GNG4: variants seen among roughly 807,000 people sequenced by gnomAD.
GNG4 encodes G protein subunit gamma 4.
In GNG4, 4 loss-of-function variants were observed where a neutral mutation model predicts 5.8. The ratio of observed to expected loss-of-function variants is 0.69; its 90% CI spans 0.34 to 1.57. GNG4 has a LOEUF of 1.57. Ranked by LOEUF, GNG4 falls within the 40% of genes most tolerant of loss-of-function variation. GNG4 has a pLI of 0.06. For missense variants in GNG4, 96 were observed against 95.1 expected (o/e 1.01, Z -0.04); for synonymous variants, 29 against 32.9 (o/e 0.88, Z 0.41).
rs1452747401 is a variant in GNG4 at position 235,649,572 on chromosome 1, CTT to C, written c.-123+88_-123+89del. On this transcript the variant is annotated intron_variant, in intron 1 of 3. Coordinates refer to ENST00000391854, the MANE Select transcript of GNG4 (RefSeq NM_001098722.2). The surrounding 1 kb of genome is among the most constrained non-coding windows in gnomAD (Gnocchi z 5.7). ...AGAGCCGTCTCCCTAGGTCCGGAGA[CTT>C]TCACCCCGAGTTTCCCTTCCGCGTC... The C allele has an allele frequency of 6.6e-6, 1 of 152,230 alleles. No individual in the cohort carries two copies. Among genetic ancestry groups the C allele is most frequent in the Non-Finnish European group, 1.5e-5 (1 of 68,100 alleles). 9.4% of individuals were successfully genotyped at this position (152,230 alleles called of 1,614,324 possible). A position where few individuals can be genotyped will look rare whatever the true frequency, so the allele number is the denominator to read the frequency against.
intron 1 of GNG4, among the ~76,000 whole-genome samples, chr1:235,618,844 C>T (rs1341684722): frequency 2.6e-5 from 4 of 151,132 alleles, no homozygotes; most frequent in East Asian, 2.0e-4. Flanking sequence ...TTAGTAGAGA[C>T]GGGGTTTCAC....
chr1:235,575,275 T>C (rs1308745510), intron 3 of GNG4, among the ~76,000 whole-genome samples: 1 of 152,194 alleles, frequency 6.6e-6, no homozygotes, highest in Non-Finnish European at 1.5e-5. Flanking sequence ...CCACTTCCCA[T>C]GGGGTCACAT....
chr1:235,590,224 G>C (rs1038539765), intron 2 of GNG4, among the ~76,000 whole-genome samples: 1 of 152,150 alleles, frequency 6.6e-6, no homozygotes, highest in Non-Finnish European at 1.5e-5. Flanking sequence ...GGAGGCCGAG[G>C]TGGGTGGATC....
intron 1 of GNG4, among the ~76,000 whole-genome samples, chr1:235,635,205 T>C (rs1044980641): frequency 1.3e-5 from 2 of 152,152 alleles, no homozygotes; most frequent in Non-Finnish European, 2.9e-5. Flanking sequence ...CAGCCTCTTA[T>C]GGTTTGGATA....
intron 1 of GNG4, among the ~76,000 whole-genome samples, chr1:235,621,730 G>A (rs1395218368): frequency 6.6e-6 from 1 of 151,036 alleles, no homozygotes; most frequent in Admixed American, 6.6e-5. Flanking sequence ...AGGCTGGAGT[G>A]CAGTGGCATG....
At position 235,552,042 on chromosome 1, in the gene GNG4, G is replaced by C. The variant is rs550539550; in HGVS notation, c.*67C>G. ...TGTTGGTCTCACTCCCTAAGGCTTAGAGCATGCATGGTCTCTACAGGGGAC... is the reference window on the plus strand; with the variant it reads ...TGTTGGTCTCACTCCCTAAGGCTTACAGCATGCATGGTCTCTACAGGGGAC... On this transcript the variant is annotated 3_prime_UTR_variant, in exon 4 of 4. Coordinates refer to ENST00000391854, the MANE Select transcript of GNG4 (RefSeq NM_001098722.2). The C allele has an allele frequency of 3.4e-6, 5 of 1,469,778 alleles. No individual in the cohort carries two copies. The highest frequency in any genetic ancestry group is 4.8e-6 in the Non-Finnish European group (5 of 1,051,868). The allele number at this position is 1,469,778 out of a possible 1,614,324, so 91.0% of individuals were successfully genotyped here. A position where few individuals can be genotyped will look rare whatever the true frequency, so the allele number is the denominator to read the frequency against.
rs1400416792 is a variant in GNG4, at chr1:235,548,793, A to G, written c.*3316T>C. ...ACAACTGTCCCCACAGCTGCACTCCACAATGCAAGCAGGCTTTATTCCATT... is the reference window on the plus strand; with the variant it reads ...ACAACTGTCCCCACAGCTGCACTCCGCAATGCAAGCAGGCTTTATTCCATT... On this transcript the variant is annotated 3_prime_UTR_variant, in exon 4 of 4. Coordinates refer to ENST00000391854, the MANE Select transcript of GNG4 (RefSeq NM_001098722.2). 6.6e-6 allele frequency: 1 copy of G among 152,268 alleles called. No individual in the cohort carries two copies. Among genetic ancestry groups the G allele is most frequent in the Non-Finnish European group, 1.5e-5 (1 of 68,064 alleles). 9.4% of individuals were successfully genotyped at this position (152,268 alleles called of 1,614,324 possible).
At chr1:235,553,361 T>C (rs1291002024) in intron 3 of GNG4, among the ~76,000 whole-genome samples, 1 of 152,232 alleles carries the variant, frequency 6.6e-6, no homozygotes, top group African/African-American at 2.4e-5. Context: ...TAGGCTGTTC[T>C]GCCTGCGAGT....
rs942285062 is a variant in GNG4 at position 235,585,428 on chromosome 1, T to C, written c.-10-1580A>G. Among the ~76,000 whole-genome samples, 5 of 152,322 alleles carry C rather than the reference T, an allele frequency of 3.3e-5. No homozygotes were observed. In the South Asian group the frequency reaches 1.0e-3, roughly 32 times the overall value. The stretch of plus-strand genomic sequence containing the variant: ...CTAATTAAAAAATTTTTTTTTGCTA[T>C]GTTTCCCAGGCTGGTCCTGTGTTTA... On this transcript the variant is annotated intron_variant, in intron 2 of 3. Transcript: ENST00000391854.
intron 1 of GNG4, among the ~76,000 whole-genome samples, chr1:235,620,151 G>T (rs950878158): frequency 7.2e-5 from 11 of 152,168 alleles, no homozygotes; most frequent in African/African-American, 2.2e-4. Context: ...ATCACCTGAG[G>T]TCGGGAGTTC....
intron 3 of GNG4, among the ~76,000 whole-genome samples, chr1:235,572,603 G>A (rs1326953924): frequency 2.0e-5 from 3 of 151,076 alleles, no homozygotes; most frequent in African/African-American, 7.3e-5. Context: ...CTGGGTTCAA[G>A]CAATTCTCAT....
At chr1:235,598,990 G>C (rs1688189678) in intron 1 of GNG4, among the ~76,000 whole-genome samples, 1 of 152,172 alleles carries the variant, frequency 6.6e-6, no homozygotes, top group Admixed American at 6.5e-5. Flanking sequence ...GCCTCCCAAA[G>C]TGCTGGGATT....
intron 1 of GNG4, among the ~76,000 whole-genome samples, chr1:235,631,961 C>T (rs1479530800): frequency 6.6e-6 from 1 of 152,240 alleles, no homozygotes; most frequent in Non-Finnish European, 1.5e-5. Context: ...ACACCTCAAA[C>T]AGCAGAGTTT....
At chr1:235,599,464 G>C (rs937228236) in intron 1 of GNG4, among the ~76,000 whole-genome samples, 1 of 151,906 alleles carries the variant, frequency 6.6e-6, no homozygotes, top group Non-Finnish European at 1.5e-5. Context: ...TTACAGGCGC[G>C]AGCCAACACG....
chr1:235,632,616 A>G (rs182654133), intron 1 of GNG4, among the ~76,000 whole-genome samples: 2 of 152,302 alleles, frequency 1.3e-5, no homozygotes, highest in Non-Finnish European at 1.5e-5. Flanking sequence ...GACTTTGAAC[A>G]AGGTTTTTTC....
At chr1:235,582,384 G>A (rs147638285) in intron 3 of GNG4, among the ~76,000 whole-genome samples, 8 of 152,210 alleles carry the variant, frequency 5.3e-5, no homozygotes, top group African/African-American at 1.9e-4. Flanking sequence ...AGCTCACACC[G>A]GCCTTTCCTC....
intron 1 of GNG4, among the ~76,000 whole-genome samples, chr1:235,634,861 G>C (rs2102984896): frequency 1.3e-5 from 2 of 152,260 alleles, no homozygotes; most frequent in Admixed American, 1.3e-4. Context: ...TTGAACCCAG[G>C]AGGCGGAGGT....
Position 235,551,808 on chromosome 1 carries a change from G to T in GNG4, c.*301C>A. The T allele has an allele frequency of 4.9e-6, 1 of 206,040 alleles. No homozygotes were observed. The highest frequency in any genetic ancestry group is 1.9e-3 in the Middle Eastern group (1 of 514). The allele number at this position is 206,040 out of a possible 1,614,324, so 12.8% of individuals were successfully genotyped here. ...AATGTATTAATATGATATAAACTTGGAAACTGATGTTTAAAAATTTTAAAC... is the reference window on the plus strand; with the variant it reads ...AATGTATTAATATGATATAAACTTGTAAACTGATGTTTAAAAATTTTAAAC... On this transcript the variant is annotated 3_prime_UTR_variant, in exon 4 of 4. Transcript: ENST00000391854.
chr1:235,594,537 G>T (rs944111831), intron 2 of GNG4, among the ~76,000 whole-genome samples: 1 of 152,212 alleles, frequency 6.6e-6, no homozygotes, highest in Admixed American at 6.5e-5. Context: ...TGGTGGGGAG[G>T]CTCAGGCATG....
Sources: allele counts gnomAD v4.1 joint callset (sites outside exome capture counted in the v4.1 genomes callset), GRCh38; gene constraint gnomAD v4.1.1; non-coding constraint Gnocchi (gnomAD v3.1); transcripts MANE v1.5; gene names NCBI Gene and HGNC (gene_info 2026-07-23, HGNC 2026-07-21).